Variants in RNF220 observed in about 807,000 individuals in gnomAD.
RNF220 encodes the protein E3 ubiquitin-protein ligase RNF220.
RNF220 carries 7 observed loss-of-function variants against 67.1 expected under a neutral mutation model. The ratio of observed to expected loss-of-function variants is 0.10; its 90% CI spans 0.06 to 0.20. RNF220 has a LOEUF of 0.20. Among genes scored for constraint, RNF220 ranks in the 10% least tolerant of loss-of-function variants. The pLI is 1.00. For missense variants in RNF220, 565 were observed against 740.3 expected (o/e 0.76, Z 2.75); for synonymous variants, 270 against 283.2 (o/e 0.95, Z 0.47).
Position 44,606,677 on chromosome 1 carries a change from G to A in RNF220, c.626-7488G>A, listed in dbSNP as rs750126018. Among the ~76,000 whole-genome samples, 16 of 152,038 alleles carry A rather than the reference G, an allele frequency of 1.1e-4. No homozygotes were observed. The highest frequency in any genetic ancestry group is 9.2e-4 in the Admixed American group (14 of 15,266). On this transcript the variant is annotated intron_variant, in intron 2 of 14. Coordinates refer to ENST00000361799, the MANE Select transcript of RNF220 (RefSeq NM_018150.4). This position sits in a 1 kb window ranked among gnomAD's most constrained non-coding sequence, Gnocchi z 4.2. ...CCTTAAACTTCCTCTAACTGTAAACGAAGGTTCTGTTCCAGACACTCTTCC... is the reference window on the plus strand; with the variant it reads ...CCTTAAACTTCCTCTAACTGTAAACAAAGGTTCTGTTCCAGACACTCTTCC...
intron 2 of RNF220, among the ~76,000 whole-genome samples, chr1:44,519,458 G>A (rs1227281963): frequency 1.3e-5 from 2 of 152,202 alleles, no homozygotes; most frequent in Admixed American, 6.5e-5. Flanking sequence ...GACTTCCTGG[G>A]GAAAGTAACA....
chr1:44,578,722 T>C (rs1665010706), intron 2 of RNF220, among the ~76,000 whole-genome samples: 1 of 152,190 alleles, frequency 6.6e-6, no homozygotes, highest in Non-Finnish European at 1.5e-5. Context: ...CCACAGACCC[T>C]GATAGTTTGC....
chr1:44,596,231 A>C (rs932321616), intron 2 of RNF220, among the ~76,000 whole-genome samples: 1 of 152,182 alleles, frequency 6.6e-6, no homozygotes, highest in Non-Finnish European at 1.5e-5. Flanking sequence ...TTCTAAGTCA[A>C]AAGGGGAGAC....
At chr1:44,526,448 C>G (rs1177431075) in intron 2 of RNF220, among the ~76,000 whole-genome samples, 2 of 152,158 alleles carry the variant, frequency 1.3e-5, no homozygotes, top group Non-Finnish European at 2.9e-5. Flanking sequence ...CCCTGGAGGC[C>G]ATCTTCACTG....
intron 2 of RNF220, among the ~76,000 whole-genome samples, chr1:44,472,302 C>T (rs11211006): frequency 0.23 from 34,895 of 152,082 alleles, 4,341 homozygotes; most frequent in East Asian, 0.49. Context: ...AAACTCTTTT[C>T]GATAGCCACT....
chr1:44,567,699 GT>G (rs1428058226), intron 2 of RNF220, among the ~76,000 whole-genome samples: 3 of 151,996 alleles, frequency 2.0e-5, no homozygotes, highest in African/African-American at 7.3e-5. Context: ...AGCATAAGTC[GT>G]TGTTCTCTCT....
intron 2 of RNF220, among the ~76,000 whole-genome samples, chr1:44,577,636 C>G (rs1347620710): frequency 4.6e-5 from 7 of 152,188 alleles, no homozygotes; most frequent in Non-Finnish European, 8.8e-5. Context: ...ATACAAGATA[C>G]TTAAGGGAGT....
intron 2 of RNF220, among the ~76,000 whole-genome samples, chr1:44,431,643 T>C (rs545554697): frequency 6.6e-6 from 1 of 152,308 alleles, no homozygotes; most frequent in African/African-American, 2.4e-5. Flanking sequence ...AAACTTTTTC[T>C]CCACTTAAGT....
intron 2 of RNF220, chr1:44,423,838 C>T (rs1649468784): frequency 4.1e-6 from 4 of 985,112 alleles, no homozygotes; most frequent in South Asian, 4.7e-5. Flanking sequence ...TTGACTTTCG[C>T]GAGGGAGGTT....
rs370181591 is a variant in RNF220 at position 44,606,155 on chromosome 1, G to A, written c.626-8010G>A. Among the ~76,000 whole-genome samples, 7 of 152,238 alleles carry A rather than the reference G, an allele frequency of 4.6e-5. No individual in the cohort carries two copies. The highest frequency in any genetic ancestry group is 1.2e-4 in the African/African-American group (5 of 41,458). ...CCCCAGCCAGACAAGTGTATTACAC[G>A]GATAATGTATTTGACGTATTAATAA... On this transcript the variant is annotated intron_variant, in intron 2 of 14. Coordinates refer to ENST00000361799, the MANE Select transcript of RNF220 (RefSeq NM_018150.4). This position sits in a 1 kb window ranked among gnomAD's most constrained non-coding sequence, Gnocchi z 4.2.
intron 2 of RNF220, among the ~76,000 whole-genome samples, chr1:44,511,292 C>T (rs762343514): frequency 3.9e-5 from 6 of 152,116 alleles, no homozygotes; most frequent in African/African-American, 7.2e-5. Context: ...GAGAGATCCC[C>T]GGGCCTGCGG....
chr1:44,508,500 G>A (rs990692866), intron 2 of RNF220, among the ~76,000 whole-genome samples: 2 of 152,180 alleles, frequency 1.3e-5, no homozygotes, highest in African/African-American at 4.8e-5. Flanking sequence ...TGGGCTGGGT[G>A]CCCCAAAAGA....
At position 44,645,110 on chromosome 1, in the gene RNF220, G is replaced by A; in HGVS notation, c.1310+29G>A. 1 of 1,613,538 alleles carries A rather than the reference G, an allele frequency of 6.2e-7. No individual in the cohort carries two copies. ...AGTGTGGGCACAGGCTTGGGCGGGTGGAGCAGAGAAACAGGAAGCCCTGAG... is the reference window on the plus strand; with the variant it reads ...AGTGTGGGCACAGGCTTGGGCGGGTAGAGCAGAGAAACAGGAAGCCCTGAG... On this transcript the variant is annotated intron_variant, in intron 10 of 14. Coordinates refer to ENST00000361799, the MANE Select transcript of RNF220 (RefSeq NM_018150.4). This position sits in a 1 kb window ranked among gnomAD's most constrained non-coding sequence, Gnocchi z 5.0.
At chr1:44,459,186 GT>G (rs11379941) in intron 2 of RNF220, among the ~76,000 whole-genome samples, 2 of 151,342 alleles carry the variant, frequency 1.3e-5, no homozygotes, top group African/African-American at 2.4e-5. Context: ...CTTTTGGTGG[GT>G]TTTTTTTTAA....
At chr1:44,516,027 C>T (rs1314560359) in intron 2 of RNF220, among the ~76,000 whole-genome samples, 4 of 152,168 alleles carry the variant, frequency 2.6e-5, no homozygotes, top group Admixed American at 6.5e-5. Context: ...TGAATGTGAT[C>T]TTAGCTGCTA....
At chr1:44,446,559 C>G (rs1652109555) in intron 2 of RNF220, among the ~76,000 whole-genome samples, 1 of 149,104 alleles carries the variant, frequency 6.7e-6, no homozygotes, top group African/African-American at 2.5e-5. Context: ...CTTGGAGTAA[C>G]CTTTTTTTTT....
chr1:44,438,561 A>G (rs1266990262), intron 2 of RNF220, among the ~76,000 whole-genome samples: 2 of 152,222 alleles, frequency 1.3e-5, no homozygotes, highest in African/African-American at 4.8e-5. Flanking sequence ...CCCTCCGGAT[A>G]CAGTAATGAA....
At chr1:44,468,743 G>C (rs1376974921) in intron 2 of RNF220, among the ~76,000 whole-genome samples, 2 of 151,844 alleles carry the variant, frequency 1.3e-5, no homozygotes, top group Non-Finnish European at 2.9e-5. Flanking sequence ...GTGAAACTCG[G>C]TCTCTACAAA....
At chr1:44,549,089 A>G (rs750568638) in intron 2 of RNF220, among the ~76,000 whole-genome samples, 10 of 152,174 alleles carry the variant, frequency 6.6e-5, no homozygotes, top group Admixed American at 1.3e-4. Flanking sequence ...CAGGAGGCTG[A>G]GACACGAGAA....
Sources: allele counts gnomAD v4.1 joint callset (sites outside exome capture counted in the v4.1 genomes callset), GRCh38; gene constraint gnomAD v4.1.1; non-coding constraint Gnocchi (gnomAD v3.1); transcripts MANE v1.5; gene names NCBI Gene and HGNC (gene_info 2026-07-23, HGNC 2026-07-21).